Variants in NRXN1 observed in about 807,000 individuals in gnomAD.
NRXN1 encodes neurexin-1.
NRXN1 carries 39 observed loss-of-function variants against 150.9 expected under a neutral mutation model. That is an observed-to-expected ratio of 0.26 (90% confidence interval 0.20 to 0.34). The LOEUF is 0.34. NRXN1 is among the 10% of genes least tolerant of loss of function. NRXN1 has a pLI of 1.00. For missense variants in NRXN1, 1,815 were observed against 1,949.9 expected, an observed-to-expected ratio of 0.93 and a Z score of 1.30; for synonymous variants, 924 against 757.0, an observed-to-expected ratio of 1.22 and a Z score of -3.62.
At chr2:50,140,930 C>T (rs896566624) in intron 18 of NRXN1, among the ~76,000 whole-genome samples, 3 of 151,728 alleles carry the variant, frequency 2.0e-5, no homozygotes, top group East Asian at 1.9e-4. Flanking sequence ...AAAACAACTA[C>T]AAAAAATTAT....
At chr2:50,238,913 C>G (rs1029358813) in intron 17 of NRXN1, among the ~76,000 whole-genome samples, 3 of 151,820 alleles carry the variant, frequency 2.0e-5, no homozygotes, top group African/African-American at 7.3e-5. Flanking sequence ...GAGGCTGTAC[C>G]CTTCTCTATT....
intron 17 of NRXN1, among the ~76,000 whole-genome samples, chr2:50,363,831 G>A (rs2079394368): frequency 6.6e-6 from 1 of 152,168 alleles, no homozygotes; most frequent in South Asian, 2.1e-4. Flanking sequence ...GCAAAGACTT[G>A]CAACCAACCC....
At chr2:50,360,901 A>G (rs562816124) in intron 17 of NRXN1, among the ~76,000 whole-genome samples, 2 of 152,342 alleles carry the variant, frequency 1.3e-5, no homozygotes, top group African/African-American at 4.8e-5. Flanking sequence ...AACAGAAATC[A>G]TAACAAACAG....
chr2:50,433,773 GA>G (rs1356746618), intron 17 of NRXN1, among the ~76,000 whole-genome samples: 2 of 151,636 alleles, frequency 1.3e-5, no homozygotes, highest in African/African-American at 4.8e-5. Context: ...AGGGAGAGGG[GA>G]AAGGAAAGAA....
intron 20 of NRXN1, among the ~76,000 whole-genome samples, chr2:50,054,182 C>T (rs769229481): frequency 6.7e-6 from 1 of 149,922 alleles, no homozygotes; most frequent in Non-Finnish European, 1.5e-5. Context: ...ATGTCAGAGA[C>T]AAAAAAATTC....
intron 17 of NRXN1, among the ~76,000 whole-genome samples, chr2:50,363,269 C>T (rs1264804937): frequency 1.3e-5 from 2 of 152,116 alleles, no homozygotes; most frequent in East Asian, 3.8e-4. Context: ...GGAGCTTCTG[C>T]ACAGCAAAAG....
intron 18 of NRXN1, among the ~76,000 whole-genome samples, chr2:50,215,584 A>G (rs2063339334): frequency 6.6e-6 from 1 of 152,068 alleles, no homozygotes; most frequent in Admixed American, 6.6e-5. Flanking sequence ...CCATTTATCC[A>G]CAGGCCTTAA....
chr2:50,518,699 T>C (rs2092696928), intron 12 of NRXN1, among the ~76,000 whole-genome samples: 2 of 151,884 alleles, frequency 1.3e-5, no homozygotes, highest in African/African-American at 2.4e-5. Flanking sequence ...ACCACTGTAA[T>C]AGTTATAGCA....
chr2:49,967,152 C>T (rs1003497353), intron 21 of NRXN1, among the ~76,000 whole-genome samples: 3 of 151,862 alleles, frequency 2.0e-5, no homozygotes, highest in Non-Finnish European at 2.9e-5. Context: ...AAGTAATTCA[C>T]CTTAAAAATT....
intron 17 of NRXN1, among the ~76,000 whole-genome samples, chr2:50,408,314 A>G (rs1460102204): frequency 6.6e-6 from 1 of 152,228 alleles, no homozygotes; most frequent in Non-Finnish European, 1.5e-5. Context: ...ACACTAATAA[A>G]GAATATTTAT....
At chr2:50,159,815 G>A (rs1442354292) in intron 18 of NRXN1, among the ~76,000 whole-genome samples, 1 of 152,006 alleles carries the variant, frequency 6.6e-6, no homozygotes, top group East Asian at 1.9e-4. Flanking sequence ...AGTTAACTTG[G>A]GACAAGTTAT....
chr2:50,451,193 T>G (rs1250261611), intron 17 of NRXN1, among the ~76,000 whole-genome samples: 1 of 152,164 alleles, frequency 6.6e-6, no homozygotes, highest in Non-Finnish European at 1.5e-5. Flanking sequence ...GGTCTGGAAC[T>G]CCCAGGCTCA....
intron 5 of NRXN1, chr2:50,919,256 A>C (rs888077757): frequency 1.3e-5 from 2 of 151,760 alleles, no homozygotes; most frequent in African/African-American, 4.8e-5. Flanking sequence ...GCACAGAAGG[A>C]TCAACATCAA....
intron 17 of NRXN1, among the ~76,000 whole-genome samples, chr2:50,342,331 T>C (rs527358622): frequency 1.7e-4 from 26 of 152,356 alleles, no homozygotes; most frequent in African/African-American, 5.8e-4. Context: ...TATAACATTT[T>C]GTCCAAGAAT....
At chr2:50,207,951 C>T (rs2062734750) in intron 18 of NRXN1, among the ~76,000 whole-genome samples, 1 of 152,042 alleles carries the variant, frequency 6.6e-6, no homozygotes, top group Non-Finnish European at 1.5e-5. Flanking sequence ...TGCTTTTCCC[C>T]TTTCTTCTAG....
chr2:50,351,832 C>T (rs1478282638), intron 17 of NRXN1, among the ~76,000 whole-genome samples: 5 of 152,058 alleles, frequency 3.3e-5, no homozygotes, highest in Non-Finnish European at 1.5e-5. Flanking sequence ...ATATTTGCTT[C>T]AGGAAAACCA....
chr2:50,436,895 CTAGATTATTCCAT>C (rs2085495700), intron 17 of NRXN1, among the ~76,000 whole-genome samples: 1 of 152,154 alleles, frequency 6.6e-6, no homozygotes, highest in African/African-American at 2.4e-5. Flanking sequence ...AATGCTTATA[CTAGATTATTCCAT>C]CTCCCAAAGT....
intron 5 of NRXN1, among the ~76,000 whole-genome samples, chr2:50,723,280 C>T (rs1696906731): frequency 6.6e-6 from 1 of 152,136 alleles, no homozygotes; most frequent in Non-Finnish European, 1.5e-5. Context: ...TGACCACAGT[C>T]TAAAAGTAAA....
At chr2:50,386,780 C>T (rs990381895) in intron 17 of NRXN1, among the ~76,000 whole-genome samples, 1 of 152,136 alleles carries the variant, frequency 6.6e-6, no homozygotes, top group Admixed American at 6.6e-5. Context: ...CTGGGCTACG[C>T]AGGAGAAATA....
Sources: gnomAD v4.1 joint callset for allele counts (sites outside exome capture counted in the v4.1 genomes callset) on GRCh38, gnomAD v4.1.1 for gene constraint, MANE v1.5 for transcripts, NCBI Gene and HGNC (gene_info 2026-07-23, HGNC 2026-07-21) for gene names.